DGKZ: variants seen among roughly 807,000 people sequenced by gnomAD.
DGKZ encodes DAG kinase zeta.
A neutral mutation model predicts 142.5 loss-of-function variants in DGKZ; 45 were observed. That is an observed-to-expected ratio of 0.32 (90% confidence interval 0.25 to 0.40). DGKZ has a LOEUF of 0.40. Ranked by LOEUF, DGKZ falls within the 10% of genes least tolerant of loss-of-function variation. The pLI is 1.00. For synonymous variants in DGKZ, 442 were observed against 527.0 expected (o/e 0.84, Z 2.21); for missense variants, 755 against 1,306.5 (o/e 0.58, Z 6.51).
chr11:46,350,135 TC>T (rs1365223373), intron 1 of DGKZ, among the ~76,000 whole-genome samples: 10 of 152,090 alleles, frequency 6.6e-5, no homozygotes, highest in Non-Finnish European at 1.3e-4. Flanking sequence ...AGTGGGGCCT[TC>T]AGAAATGAAT....
chr11:46,367,838 A>G lies in DGKZ; in HGVS notation c.366+91A>G, dbSNP rs1456032715. The G allele has an allele frequency of 2.6e-6, 4 of 1,560,688 alleles. No homozygotes were observed. In the Admixed American group the frequency reaches 5.1e-5, roughly 20 times the overall value. ...CGTGGGATTGAGCCCGCTCCCTGGC[A>G]CCCCTGCTGTGGGCCGCCCCAGGAT... is the stretch of plus-strand genomic sequence containing the variant. On this transcript the variant is annotated intron_variant, in intron 3 of 30. Transcript: ENST00000527911. This position sits in a 1 kb window ranked among gnomAD's most constrained non-coding sequence, Gnocchi z 4.1.
chr11:46,351,909 C>T (rs369268857), intron 1 of DGKZ, among the ~76,000 whole-genome samples: 5 of 152,190 alleles, frequency 3.3e-5, no homozygotes, highest in South Asian at 4.1e-4. Flanking sequence ...CCATGCCATA[C>T]TCCAAAAAGG....
intron 1 of DGKZ, among the ~76,000 whole-genome samples, chr11:46,362,320 G>C (rs1942755456): frequency 6.6e-6 from 1 of 152,170 alleles, no homozygotes; most frequent in Non-Finnish European, 1.5e-5. Flanking sequence ...CCTGGTACCG[G>C]GTGCAGAGGG....
intron 6 of DGKZ, among the ~76,000 whole-genome samples, chr11:46,370,952 G>C (rs1167891478): frequency 6.6e-6 from 1 of 152,108 alleles, no homozygotes; most frequent in Non-Finnish European, 1.5e-5. Context: ...GGGCGTAGTG[G>C]TGGGCGCCTG....
At position 46,377,251 on chromosome 11, in the gene DGKZ, C is replaced by T. The variant is rs761281394; in HGVS notation, c.2342+39C>T. ...TCCCGTCCCTCCAGCCCCTGGCTTT[C>T]AGCCCCACCTGTAAGCCGATGACTT... is the stretch of plus-strand genomic sequence containing the variant. On this transcript the variant is annotated intron_variant, in intron 25 of 30. Coordinates refer to ENST00000527911, the Ensembl canonical transcript of DGKZ. 2.6e-6 allele frequency: 4 copies of T among 1,540,966 alleles called. No individual in the cohort carries two copies. The South Asian group carries it at 5.0e-5, about 19-fold the overall frequency.
intron 17 of DGKZ, 41 bp downstream of exon 17, chr11:46,374,707 G>A (rs1944346415): frequency 6.2e-7 from 1 of 1,610,158 alleles, no homozygotes; most frequent in African/African-American, 1.3e-5. Context: ...GGGCCGGAAG[G>A]GAGGGAGGCG....
chr11:46,378,669 G>T, intron 27 of DGKZ, 169 bp downstream of exon 27: 1 of 989,622 alleles, frequency 1.0e-6, no homozygotes. Context: ...CTGTATCTCT[G>T]TCTAGGCCAC....
Position 46,376,576 on chromosome 11 carries a change from C to T in DGKZ, c.2202+12C>T, listed in dbSNP as rs1432037507. On this transcript the variant is annotated intron_variant, in intron 24 of 30. Coordinates refer to ENST00000527911, the Ensembl canonical transcript of DGKZ. ...TCGACCGAGCCCAGGTGAGCGATTG[C>T]AGGCCTGCTCCAGCCACAGCTGCTT... 1 of 1,613,210 alleles carries T rather than the reference C, an allele frequency of 6.2e-7. No individual in the cohort carries two copies. Among genetic ancestry groups the T allele is most frequent in the Non-Finnish European group, 8.5e-7 (1 of 1,180,002 alleles).
chr11:46,377,086 A>C (rs753759093), exon 25 of DGKZ: 1 of 1,613,364 alleles, frequency 6.2e-7, no homozygotes, highest in South Asian at 1.1e-5. Context: ...CACCTCAACT[A>C]TGTGACTGAG....
chr11:46,379,067 T>G, exon 28 of DGKZ: 1 of 1,600,276 alleles, frequency 6.2e-7, no homozygotes, highest in Non-Finnish European at 8.5e-7. Flanking sequence ...CACCACGCAG[T>G]CAGCACTGGC....
rs768611133 is a variant in DGKZ at position 46,378,573 on chromosome 11, G to A, written c.2418+73G>A. The A allele has an allele frequency of 1.9e-6, 3 of 1,600,056 alleles. No homozygotes were observed. The Admixed American group carries it at 5.0e-5, about 27-fold the overall frequency. ...CCTGGGGAGCGAGGCCTCTGGGTTG[G>A]GCCAAGAGCTGACCTGCTCAGGTGC... On this transcript the variant is annotated intron_variant, in intron 27 of 30. Transcript: ENST00000527911.
chr11:46,352,500 G>A (rs558760013), intron 1 of DGKZ, among the ~76,000 whole-genome samples: 4 of 152,270 alleles, frequency 2.6e-5, no homozygotes, highest in African/African-American at 7.2e-5. Flanking sequence ...CCCGTCCCCT[G>A]AGGCCCAGGC....
At chr11:46,337,425 A>C (rs1386013223) in intron 1 of DGKZ, among the ~76,000 whole-genome samples, 1 of 149,656 alleles carries the variant, frequency 6.7e-6, no homozygotes, top group African/African-American at 2.5e-5. Context: ...CCTGCCAAGT[A>C]GCTGGGACTA....
At chr11:46,333,235 C>A in exon 1 of DGKZ, 1 of 1,242,476 alleles carries the variant, frequency 8.0e-7, no homozygotes, top group Non-Finnish European at 1.0e-6. Context: ...GAGCGGGTGC[C>A]CGAAAGGCCG....
At chr11:46,379,444 A>G (rs1190078147) in intron 29 of DGKZ, 25 bp from the exon 30 acceptor site, 2 of 1,601,090 alleles carry the variant, frequency 1.2e-6, no homozygotes, top group South Asian at 2.2e-5. Context: ...GGGATGGGGT[A>G]CACAGCCAGC....
At chr11:46,345,232 C>G (rs1940497581), upstream of DGKZ, 3 of 1,347,750 alleles carry the variant, frequency 2.2e-6, no homozygotes, top group East Asian at 9.4e-5. The surrounding 1 kb of genome is among the most constrained non-coding windows in gnomAD (Gnocchi z 4.1). Flanking sequence ...CTTGTCCCCA[C>G]CTGCCCCTTG....
chr11:46,365,824 C>T (rs1590534428), intron 1 of DGKZ: 6 of 985,268 alleles, frequency 6.1e-6, no homozygotes, highest in Admixed American at 1.2e-4. Context: ...CCAGGCAGAC[C>T]GACTCCCCAT....
At chr11:46,352,666 T>G (rs1400241129) in intron 1 of DGKZ, among the ~76,000 whole-genome samples, 2 of 152,218 alleles carry the variant, frequency 1.3e-5, no homozygotes, top group Non-Finnish European at 2.9e-5. Context: ...TGCCTCCTCC[T>G]TGAACAGCCC....
chr11:46,368,479 A>G (rs1943574411), intron 4 of DGKZ: 1 of 351,774 alleles, frequency 2.8e-6, no homozygotes, highest in Non-Finnish European at 5.6e-6. Context: ...TCCACTGTGC[A>G]TTTGCAGCTG....
Sources: gnomAD v4.1 joint callset for allele counts (sites outside exome capture counted in the v4.1 genomes callset) on GRCh38, gnomAD v4.1.1 for gene constraint, Gnocchi (gnomAD v3.1) non-coding constraint, MANE v1.5 for transcripts, NCBI Gene and HGNC (gene_info 2026-07-23, HGNC 2026-07-21) for gene names.